The following AGBL1 variants were observed in gnomAD, a reference collection of about 807,000 sequenced individuals.
AGBL1 encodes the protein cytosolic carboxypeptidase 4.
In AGBL1, 130 loss-of-function variants were observed where a neutral mutation model predicts 118.9. The observed-to-expected ratio is 1.09, with a 90% CI of 0.95 to 1.26. The LOEUF is 1.26. Among genes scored for constraint, AGBL1 ranks in the 50% most tolerant of loss-of-function variants. AGBL1 has a pLI of 0.00. For missense variants in AGBL1, 1,584 were observed against 1,298.1 expected (o/e 1.22, Z -3.38); for synonymous variants, 555 against 478.9 (o/e 1.16, Z -2.08).
intron 18 of AGBL1, among the ~76,000 whole-genome samples, chr15:86,498,295 C>T (rs764788604): frequency 2.0e-5 from 3 of 151,876 alleles, no homozygotes; most frequent in Non-Finnish European, 2.9e-5. Flanking sequence ...AATAACTAGA[C>T]AGTAGACTTC....
chr15:86,984,961 A>C (rs1373314426), intron 23 of AGBL1, among the ~76,000 whole-genome samples: 1 of 152,162 alleles, frequency 6.6e-6, no homozygotes, highest in Admixed American at 6.5e-5. Flanking sequence ...TGCATTTTCT[A>C]GGTTTTTCGA....
intron 1 of AGBL1, 153 bp downstream of exon 1, chr15:86,080,176 A>T: frequency 2.2e-6 from 1 of 446,850 alleles, no homozygotes; most frequent in Non-Finnish European, 3.7e-6. Flanking sequence ...CTTGAAGCTG[A>T]CCTAAGTGAT....
At chr15:86,413,149 C>T (rs1393616972) in intron 18 of AGBL1, among the ~76,000 whole-genome samples, 1 of 152,098 alleles carries the variant, frequency 6.6e-6, no homozygotes, top group Non-Finnish European at 1.5e-5. Context: ...TACATTTCAA[C>T]AAACCGGCCC....
At chr15:86,673,183 A>G (rs1359953529) in intron 21 of AGBL1, among the ~76,000 whole-genome samples, 1 of 152,168 alleles carries the variant, frequency 6.6e-6, no homozygotes, top group Non-Finnish European at 1.5e-5. Flanking sequence ...TCTTTATAGG[A>G]AGAGAGAAAG....
chr15:86,320,315 A>G (rs1225805050), intron 17 of AGBL1, among the ~76,000 whole-genome samples: 1 of 151,790 alleles, frequency 6.6e-6, no homozygotes, highest in East Asian at 1.9e-4. Flanking sequence ...TTTTTTTTGT[A>G]TAAAGAGCTT....
chr15:86,635,000 T>A (rs1215443183), intron 21 of AGBL1, among the ~76,000 whole-genome samples: 1 of 152,098 alleles, frequency 6.6e-6, no homozygotes, highest in Non-Finnish European at 1.5e-5. Context: ...CCACTAGATG[T>A]ATATTGAAAA....
At chr15:86,337,527 T>C (rs1567205874) in intron 17 of AGBL1, among the ~76,000 whole-genome samples, 2 of 152,252 alleles carry the variant, frequency 1.3e-5, no homozygotes, top group Non-Finnish European at 2.9e-5. Context: ...ATGCAGCTAT[T>C]AAAAAGGAAT....
chr15:86,612,343 C>A (rs1282985497), intron 21 of AGBL1, among the ~76,000 whole-genome samples: 1 of 150,356 alleles, frequency 6.7e-6, no homozygotes, highest in Admixed American at 6.7e-5. Flanking sequence ...AAATAAAATT[C>A]TAAGCTCCTG....
intron 22 of AGBL1, among the ~76,000 whole-genome samples, chr15:86,793,549 T>C (rs2078526948): frequency 6.6e-6 from 1 of 152,202 alleles, no homozygotes; most frequent in Non-Finnish European, 1.5e-5. Context: ...TTCATGACAT[T>C]ATATTTCACA....
At chr15:86,598,249 G>T (rs1166206329) in intron 21 of AGBL1, among the ~76,000 whole-genome samples, 1 of 152,068 alleles carries the variant, frequency 6.6e-6, no homozygotes, top group African/African-American at 2.4e-5. Flanking sequence ...CAGCTGTGAA[G>T]AAGCATTTAA....
chr15:86,257,821 G>A, intron 8 of AGBL1, 143 bp from the exon 9 acceptor site: 1 of 725,710 alleles, frequency 1.4e-6, no homozygotes, highest in South Asian at 1.8e-5. Context: ...AAGCATTTGT[G>A]TGTGGTGGGA....
intron 5 of AGBL1, among the ~76,000 whole-genome samples, chr15:86,224,174 A>G (rs996064206): frequency 6.6e-6 from 1 of 152,148 alleles, no homozygotes; most frequent in Non-Finnish European, 1.5e-5. Flanking sequence ...TCTCCTCCCT[A>G]TAATTATACT....
In AGBL1 at chr15:86,827,727, C is replaced by G. The variant is rs1263448318; in HGVS notation, c.3159-79360C>G. Among the ~76,000 whole-genome samples, 5 of 145,988 alleles carry G rather than the reference C, an allele frequency of 3.4e-5. No individual in the cohort carries two copies. The Admixed American group carries it at 3.5e-4, about 10-fold the overall frequency. The stretch of plus-strand genomic sequence containing the variant: ...GTCTTCTTTGAGGAAACTCTGAGAC[C>G]ACTACCACCACCAAAGATGTGCAAT... On this transcript the variant is annotated intron_variant, in intron 22 of 22. Transcript: ENST00000614907.
intron 18 of AGBL1, among the ~76,000 whole-genome samples, chr15:86,400,431 T>C (rs559182395): frequency 6.6e-6 from 1 of 152,222 alleles, no homozygotes; most frequent in South Asian, 2.1e-4. Flanking sequence ...TAGGCTCCTT[T>C]TTGTGACGCT....
chr15:86,256,850 C>G lies in AGBL1; in HGVS notation c.736-3C>G, dbSNP rs1199988211. The stretch of plus-strand genomic sequence containing the variant: ...CATCTGATATAATCTTCCCTTTGCT[C>G]AGAACTGCCTGGATGACAAGAGCAT... On this transcript the variant is annotated splice_region_variant and splice_polypyrimidine_tract_variant and intron_variant, in intron 7 of 22. Coordinates refer to ENST00000614907, the MANE Select transcript of AGBL1 (RefSeq NM_001386094.1). 2 of 1,613,512 alleles carry G rather than the reference C, an allele frequency of 1.2e-6. No homozygotes were observed. The highest frequency in any genetic ancestry group is 3.3e-5 in the Admixed American group (2 of 59,948).
chr15:86,080,684 A>G (rs1417898513), intron 1 of AGBL1, among the ~76,000 whole-genome samples: 1 of 152,194 alleles, frequency 6.6e-6, no homozygotes, highest in Non-Finnish European at 1.5e-5. Flanking sequence ...GAGAGGGTCA[A>G]AAAATACTCA....
At chr15:86,821,489 A>G (rs1286304085) in intron 22 of AGBL1, among the ~76,000 whole-genome samples, 1 of 152,164 alleles carries the variant, frequency 6.6e-6, no homozygotes, top group Non-Finnish European at 1.5e-5. Context: ...CAGAGAGGGA[A>G]TGGAATACAA....
In AGBL1 at chr15:86,912,869, C is replaced by T. The variant is rs2080369884; in HGVS notation, c.*5575C>T. 1 of 152,166 alleles carries T rather than the reference C, an allele frequency of 6.6e-6. No individual in the cohort carries two copies. The allele number at this position is 152,166 out of a possible 1,614,324, so 9.4% of individuals were successfully genotyped here. ...AACTCTCTAGTCTTGGAAAGACATGCATAGTAGCCTGGTGCCCACCAGGAG... is the reference window on the plus strand; with the variant it reads ...AACTCTCTAGTCTTGGAAAGACATGTATAGTAGCCTGGTGCCCACCAGGAG... On this transcript the variant is annotated 3_prime_UTR_variant, in exon 23 of 23. Coordinates refer to ENST00000614907, the MANE Select transcript of AGBL1 (RefSeq NM_001386094.1).
intron 17 of AGBL1, among the ~76,000 whole-genome samples, chr15:86,356,372 G>A (rs541565392): frequency 1.3e-5 from 2 of 152,042 alleles, no homozygotes; most frequent in South Asian, 2.1e-4. Flanking sequence ...GCGCCCGCAC[G>A]CACGCGCATG....
Sources: allele counts gnomAD v4.1 joint callset (sites outside exome capture counted in the v4.1 genomes callset), GRCh38; gene constraint gnomAD v4.1.1; transcripts MANE v1.5; gene names NCBI Gene and HGNC (gene_info 2026-07-23, HGNC 2026-07-21).